Variants in EFR3A observed in about 807,000 individuals in gnomAD.
EFR3A encodes the protein EFR3 homolog A.
A neutral mutation model predicts 104.4 loss-of-function variants in EFR3A; 76 were observed. The ratio of observed to expected loss-of-function variants is 0.73; its 90% CI spans 0.60 to 0.88. The LOEUF (loss-of-function observed/expected upper bound fraction) is 0.88, where lower values mean the gene tolerates loss of function less well. Ranked by LOEUF, EFR3A falls within the 40% of genes least tolerant of loss-of-function variation. The pLI, the probability that EFR3A is intolerant of heterozygous loss-of-function variation, is 0.00. For missense variants in EFR3A, 985 were observed against 1,012.5 expected, an observed-to-expected ratio of 0.97 and a Z score of 0.37; for synonymous variants, 330 against 330.0, an observed-to-expected ratio of 1.00 and a Z score of 0.00.
At chr8:131,998,272 G>A (rs1239032489) in intron 19 of EFR3A, among the ~76,000 whole-genome samples, 3 of 151,956 alleles carry the variant, frequency 2.0e-5, no homozygotes, top group African/African-American at 7.2e-5. Flanking sequence ...CCAGTTAATG[G>A]TGCAGCAGAA....
intron 5 of EFR3A, among the ~76,000 whole-genome samples, chr8:131,951,604 T>C (rs1373430791): frequency 6.6e-6 from 1 of 152,168 alleles, no homozygotes; most frequent in Non-Finnish European, 1.5e-5. Context: ...TACGTTTTTC[T>C]AAGTATTTAT....
At chr8:131,956,501 C>T in intron 7 of EFR3A, among the ~76,000 whole-genome samples, 1 of 152,170 alleles carries the variant, frequency 6.6e-6, no homozygotes, top group East Asian at 1.9e-4. Context: ...GACTCAATCA[C>T]CAGATGATAG....
intron 1 of EFR3A, among the ~76,000 whole-genome samples, chr8:131,921,460 A>G (rs751843709): frequency 6.6e-6 from 1 of 152,190 alleles, no homozygotes; most frequent in Non-Finnish European, 1.5e-5. Context: ...ACTGGAAATT[A>G]TGACTTTAAC....
chr8:131,981,539 T>G (rs1820612373), intron 14 of EFR3A, among the ~76,000 whole-genome samples: 1 of 152,070 alleles, frequency 6.6e-6, no homozygotes. Flanking sequence ...ACCTTCCAAT[T>G]TGTTTTATGA....
intron 6 of EFR3A, among the ~76,000 whole-genome samples, chr8:131,954,579 C>T (rs543318510): frequency 1.3e-5 from 2 of 150,758 alleles, no homozygotes; most frequent in African/African-American, 4.9e-5. Flanking sequence ...CATGCTTATC[C>T]CCCACATTTC....
intron 11 of EFR3A, among the ~76,000 whole-genome samples, chr8:131,976,746 G>A (rs1820344271): frequency 6.6e-6 from 1 of 151,794 alleles, no homozygotes; most frequent in Non-Finnish European, 1.5e-5. Context: ...TCCAATTTAA[G>A]GTACCTTAAT....
Position 131,979,434 on chromosome 8 carries a change from C to G in EFR3A, c.1575+13C>G, listed in dbSNP as rs1222958735. The G allele has an allele frequency of 6.6e-7, 1 of 1,514,368 alleles. No individual in the cohort carries two copies. Among genetic ancestry groups the G allele is most frequent in the Admixed American group, 2.0e-5 (1 of 51,192 alleles). The allele number at this position is 1,514,368 out of a possible 1,614,324, so 93.8% of individuals were successfully genotyped here. ...TTTCATGAAAAAGGTAAGACATCTT[C>G]TAAAAAAATAAATGTGTAGTGTAAA... On this transcript the variant is annotated intron_variant, in intron 14 of 22. Transcript: ENST00000254624.
rs1184462232 is a variant in EFR3A, at chr8:131,970,540, A to C, written c.1056A>C (p.Glu352Asp). Residue 352 changes from glutamate (E) to aspartate (D), a missense_variant, in exon 10 of 23, where the codon GAA becomes GAC. Coordinates refer to ENST00000254624, the MANE Select transcript of EFR3A (RefSeq NM_015137.6). ...LKHLRLSVEF[E>D]ANDLQGGSVG... The stretch of plus-strand genomic sequence containing the variant: ...ATCTGCGTCTCAGCGTTGAATTCGA[A>C]GCAAATGATTTACAGGGGGGATCTG... The C allele has an allele frequency of 6.2e-7, 1 of 1,613,796 alleles. No individual in the cohort carries two copies. The highest frequency in any genetic ancestry group is 8.5e-7 in the Non-Finnish European group (1 of 1,179,826).
Position 131,934,778 on chromosome 8 carries a change from T to G in EFR3A, c.11-5721T>G, listed in dbSNP as rs116812572. 9.3e-3 allele frequency among the ~76,000 whole-genome samples: 1,409 copies of G among 152,196 alleles called. 24 individuals are homozygous for G. The highest frequency in any genetic ancestry group is 0.032 in the African/African-American group (1,331 of 41,544). Reference sequence around the variant, plus strand: ...ATGCAGTACACAGACATATTTAGCTTTACTGCTGTGTATTACATATATGTG... The same window carrying G: ...ATGCAGTACACAGACATATTTAGCTGTACTGCTGTGTATTACATATATGTG... On this transcript the variant is annotated intron_variant, in intron 1 of 22. Transcript: ENST00000254624.
intron 14 of EFR3A, among the ~76,000 whole-genome samples, chr8:131,982,170 C>A (rs1372399320): frequency 6.6e-6 from 1 of 152,020 alleles, no homozygotes; most frequent in Non-Finnish European, 1.5e-5. Context: ...TTGACTCTTT[C>A]AAATTTTTTT....
At chr8:132,001,860 G>C (rs1322137824) in intron 20 of EFR3A, 53 bp downstream of exon 20, 3 of 1,482,448 alleles carry the variant, frequency 2.0e-6, no homozygotes, top group African/African-American at 2.8e-5. Context: ...ATCTTTATCT[G>C]CTGCTTTTTT....
At chr8:131,914,147 G>A (rs1816645295) in intron 1 of EFR3A, among the ~76,000 whole-genome samples, 1 of 152,144 alleles carries the variant, frequency 6.6e-6, no homozygotes, top group South Asian at 2.1e-4. Context: ...CAGTGGGGGG[G>A]ACACTCCAGG....
chr8:131,913,796 G>A lies in EFR3A; in HGVS notation c.10+9474G>A, dbSNP rs187121902. On this transcript the variant is annotated intron_variant, in intron 1 of 22. Coordinates refer to ENST00000254624, the MANE Select transcript of EFR3A (RefSeq NM_015137.6). ...ACTGTAAACGAATTTCACTCCTGAT[G>A]AGCCGAGTGAAGTGTAAGGTGTCCA... Among the ~76,000 whole-genome samples, 466 of 152,300 alleles carry A rather than the reference G, an allele frequency of 3.1e-3. 8 individuals are homozygous for A. The highest frequency in any genetic ancestry group is 1.9e-3 in the East Asian group (10 of 5,182).
intron 21 of EFR3A, among the ~76,000 whole-genome samples, 190 bp downstream of exon 21, chr8:132,002,896 A>T (rs1821853865): frequency 6.6e-6 from 1 of 152,202 alleles, no homozygotes; most frequent in Admixed American, 6.5e-5. Context: ...ATGTAAGCTG[A>T]TGGAAATAGT....
intron 16 of EFR3A, among the ~76,000 whole-genome samples, chr8:131,985,436 A>G (rs145022152): frequency 0.02 from 3,109 of 152,284 alleles, 46 homozygotes; most frequent in South Asian, 0.042. Flanking sequence ...CAAAAGTTGA[A>G]TAATTACTGT....
At position 131,985,063 on chromosome 8, in the gene EFR3A, A is replaced by G. The variant is rs1223512312; in HGVS notation, c.1869+3A>G. 4 of 1,611,372 alleles carry G rather than the reference A, an allele frequency of 2.5e-6. No homozygotes were observed. The South Asian group carries it at 3.3e-5, about 13-fold the overall frequency. ...CATTTTGCCAGCATGTTAGCAAGGT[A>G]ATGTATTTAGAAAAGTCCTTAAACT... On this transcript the variant is annotated splice_donor_region_variant and intron_variant, in intron 16 of 22. Transcript: ENST00000254624.
intron 6 of EFR3A, among the ~76,000 whole-genome samples, chr8:131,954,901 C>T (rs1028558236): frequency 6.6e-6 from 1 of 152,004 alleles, no homozygotes; most frequent in Non-Finnish European, 1.5e-5. Context: ...AACACACGTT[C>T]ATGTTAACTT....
chr8:131,946,300 TA>T (rs1410661044), intron 3 of EFR3A, among the ~76,000 whole-genome samples, 182 bp from the exon 4 acceptor site: 1 of 152,112 alleles, frequency 6.6e-6, no homozygotes, highest in Non-Finnish European at 1.5e-5. Context: ...ATAAAAGGAT[TA>T]TTTTATAACC....
chr8:131,920,136 C>T (rs10464830), intron 1 of EFR3A, among the ~76,000 whole-genome samples: 15,820 of 152,108 alleles, frequency 0.1, 1,026 homozygotes, highest in South Asian at 0.22. Context: ...CCATTATTTT[C>T]CTTGTCAGTT....
Sources: gnomAD v4.1 joint callset for allele counts (sites outside exome capture counted in the v4.1 genomes callset) on GRCh38, gnomAD v4.1.1 for gene constraint, MANE v1.5 for transcripts, NCBI Gene and HGNC (gene_info 2026-07-23, HGNC 2026-07-21) for gene names.